ATP6AP1: variants seen among roughly 807,000 people sequenced by gnomAD.
ATP6AP1 encodes the protein V-type proton ATPase subunit S1.
Under a neutral mutation model 32.0 loss-of-function variants are expected in ATP6AP1, and 1 was observed. The ratio of observed to expected loss-of-function variants is 0.03; its 90% CI spans 0.01 to 0.15. ATP6AP1 has a LOEUF of 0.15. ATP6AP1 is among the 10% of genes least tolerant of loss of function. The probability of loss-of-function intolerance (pLI) is 1.00; values close to 1 mark genes in which losing one functional copy is unlikely to be tolerated. For missense variants in ATP6AP1, 297 were observed against 398.8 expected, an observed-to-expected ratio of 0.74 and a Z score of 2.17; for synonymous variants, 187 against 174.9, an observed-to-expected ratio of 1.07 and a Z score of -0.55.
rs969158733 is a variant in ATP6AP1 at position 154,432,820 on chromosome X, A to T, written c.558-111A>T. 162 of 928,248 alleles carry T rather than the reference A, an allele frequency of 1.7e-4. No homozygotes were observed. In the South Asian group the frequency reaches 2.5e-3, roughly 15 times the overall value. The allele number at this position is 928,248 out of a possible 1,213,427, so 76.5% of individuals were successfully genotyped here. On this transcript the variant is annotated intron_variant, in intron 4 of 9. Transcript: ENST00000369762. ...AGGGGGCACTGAGGTAAGAGTGTGC[A>T]GGCTTGGTGCGTGGGGCTAGTGGGG...
In ATP6AP1 at chrX:154,428,701, G is replaced by C. The variant is rs1363133638; in HGVS notation, c.9G>C (p.Ala3=). Residue 3 remains alanine, a synonymous_variant, in exon 1 of 10, where the codon GCG becomes GCC. Coordinates refer to ENST00000369762, the MANE Select transcript of ATP6AP1 (RefSeq NM_001183.6). The part of the protein sequence containing the change: MM[A]AMATARVRMG... ...CAGTGGAGGCTGAGGCTATGATGGC[G>C]GCCATGGCGACGGCTCGAGTGCGGA... The C allele has an allele frequency of 2.3e-5, 26 of 1,149,575 alleles. No homozygotes were observed. Among genetic ancestry groups the C allele is most frequent in the Non-Finnish European group, 2.6e-5 (23 of 868,674 alleles). 94.7% of individuals were successfully genotyped at this position (1,149,575 alleles called of 1,213,427 possible).
At chrX:154,431,960 A>G in intron 3 of ATP6AP1, 56 bp downstream of exon 3, 1 of 1,150,671 alleles carries the variant, frequency 8.7e-7, no homozygotes, top group Non-Finnish European at 1.2e-6. Flanking sequence ...TCCTTCTCCC[A>G]GCATAAGAAC....
chrX:154,429,198 C>G (rs1557196390), intron 2 of ATP6AP1, 24 bp downstream of exon 2: 2 of 1,205,801 alleles, frequency 1.7e-6, no homozygotes, highest in African/African-American at 3.5e-5. Flanking sequence ...AGCCCACTCT[C>G]CCCCGGTCAT....
At chrX:154,432,000 G>T in intron 3 of ATP6AP1, 96 bp downstream of exon 3, 1 of 963,376 alleles carries the variant, frequency 1.0e-6, no homozygotes, top group Non-Finnish European at 1.5e-6. Context: ...AGGGTTACTT[G>T]GGTCTGAGTC....
rs1557196217 is a variant in ATP6AP1 at position 154,428,713 on chromosome X, G to T, written c.21G>T (p.Thr7=). 7 of 1,150,082 alleles carry T rather than the reference G, an allele frequency of 6.1e-6. No homozygotes were observed. The highest frequency in any genetic ancestry group is 8.1e-6 in the Non-Finnish European group (7 of 868,637). 94.8% of individuals were successfully genotyped at this position (1,150,082 alleles called of 1,213,427 possible). MMAAMA[T]ARVRMGPRCA... is the part of the protein sequence containing the mutation. Reference sequence around the variant, plus strand: ...AGGCTATGATGGCGGCCATGGCGACGGCTCGAGTGCGGATGGGGCCGCGGT... The same window carrying T: ...AGGCTATGATGGCGGCCATGGCGACTGCTCGAGTGCGGATGGGGCCGCGGT... Residue 7 remains threonine (T), a synonymous_variant, in exon 1 of 10, where the codon ACG becomes ACT. Transcript: ENST00000369762.
intron 2 of ATP6AP1, 48 bp downstream of exon 2, chrX:154,429,222 G>A: frequency 8.4e-7 from 1 of 1,191,453 alleles, no homozygotes; most frequent in East Asian, 3.0e-5. Context: ...GAGGCAGCCA[G>A]GCCCCCTCCC....
In ATP6AP1 at chrX:154,431,824, T is replaced by C. The variant is rs1557196820; in HGVS notation, c.289-6T>C. On this transcript the variant is annotated splice_polypyrimidine_tract_variant and splice_region_variant and intron_variant, in intron 2 of 9. Transcript: ENST00000369762. ...TCCTCAGATGTCTCCCCTATTTCCC[T>C]AATAGCTGAGCATTGAGGATTTCAC... is the stretch of plus-strand genomic sequence containing the variant. The C allele has an allele frequency of 1.7e-6, 2 of 1,210,811 alleles. No homozygotes were observed.
At chrX:154,430,454 C>T (rs2068687741) in intron 2 of ATP6AP1, 2 of 111,841 alleles carry the variant, frequency 1.8e-5, no homozygotes, top group African/African-American at 6.5e-5. Context: ...CATAAAACAT[C>T]TAGCCAGGAT....
Position 154,434,387 on chromosome X carries a change from C to T in ATP6AP1, c.864C>T (p.Leu288=), listed in dbSNP as rs1225548960. Residue 288 remains leucine, a synonymous_variant, in exon 7 of 10, where the codon CTC becomes CTT. Coordinates refer to ENST00000369762, the MANE Select transcript of ATP6AP1 (RefSeq NM_001183.6). Reference sequence around the variant, plus strand: ...ACCAGTGGGAGGACCTGACTCCCCTCACCTTTGGGGTGCAGGAACTCAACC... The same window carrying T: ...ACCAGTGGGAGGACCTGACTCCCCTTACCTTTGGGGTGCAGGAACTCAACC... The part of the protein sequence containing the change: ...YKDQWEDLTP[L]TFGVQELNLT... 2.5e-6 allele frequency: 3 copies of T among 1,210,568 alleles called. No homozygotes were observed. Among genetic ancestry groups the T allele is most frequent in the African/African-American group, 3.5e-5 (2 of 57,322 alleles).
At chrX:154,431,648 G>A (rs1302377426) in intron 2 of ATP6AP1, 182 bp from the exon 3 acceptor site, 1 of 480,757 alleles carries the variant, frequency 2.1e-6, no homozygotes, top group African/African-American at 2.4e-5. Flanking sequence ...GAGAGTGCTG[G>A]AGGGAAGAGG....
intron 5 of ATP6AP1, 92 bp from the exon 6 acceptor site, chrX:154,433,543 G>A (rs1261725055): frequency 4.4e-5 from 40 of 912,640 alleles, no homozygotes; most frequent in Non-Finnish European, 5.9e-5. Flanking sequence ...CTTTCAGATG[G>A]TCTAGAAGGT....
Position 154,428,707 on chromosome X carries a change from G to A in ATP6AP1, c.15G>A (p.Met5Ile). The A allele has an allele frequency of 8.7e-7, 1 of 1,150,442 alleles. No homozygotes were observed. The highest frequency in any genetic ancestry group is 1.9e-5 in the South Asian group (1 of 52,238). The allele number at this position is 1,150,442 out of a possible 1,213,427, so 94.8% of individuals were successfully genotyped here. ...AGGCTGAGGCTATGATGGCGGCCATGGCGACGGCTCGAGTGCGGATGGGGC... is the reference window on the plus strand; with the variant it reads ...AGGCTGAGGCTATGATGGCGGCCATAGCGACGGCTCGAGTGCGGATGGGGC... MMAA[M>I]ATARVRMGPR... is the part of the protein sequence containing the mutation. Residue 5 changes from methionine (M) to isoleucine (I), a missense_variant, in exon 1 of 10, where the codon ATG (methionine) becomes ATA (isoleucine). By Grantham distance (10) the Met-to-Ile change is conservative (BLOSUM62 1). Coordinates refer to ENST00000369762, the MANE Select transcript of ATP6AP1 (RefSeq NM_001183.6).
Position 154,434,222 on chromosome X carries a change from A to G in ATP6AP1, c.699A>G (p.Val233=), listed in dbSNP as rs1557197279. 2 of 1,211,641 alleles carry G rather than the reference A, an allele frequency of 1.7e-6. No individual in the cohort carries two copies. Among genetic ancestry groups the G allele is most frequent in the Non-Finnish European group, 2.2e-6 (2 of 895,351 alleles). The change falls in exon 7 of 10, where the codon GTA becomes GTG. Residue 233 remains valine (V), a synonymous_variant. Coordinates refer to ENST00000369762, the MANE Select transcript of ATP6AP1 (RefSeq NM_001183.6). ...AVRPSRVARD[V]AVVAGGLGRQ... ...TGTTTCTGCAGGTGGCCCGTGATGTAGCCGTGGTGGCCGGAGGGCTAGGTC... is the reference window on the plus strand; with the variant it reads ...TGTTTCTGCAGGTGGCCCGTGATGTGGCCGTGGTGGCCGGAGGGCTAGGTC...
At chrX:154,434,142 C>T (rs1209166331) in intron 6 of ATP6AP1, 66 bp from the exon 7 acceptor site, 6 of 1,078,374 alleles carry the variant, frequency 5.6e-6, no homozygotes, top group Non-Finnish European at 7.7e-6. Context: ...GAGGGCACGA[C>T]AATTGGGTTC....
chrX:154,431,681 C>G, intron 2 of ATP6AP1, 149 bp from the exon 3 acceptor site: 1 of 528,760 alleles, frequency 1.9e-6, no homozygotes, highest in Non-Finnish European at 3.3e-6. Context: ...CCCACCCCCA[C>G]CAACACACAG....
At position 154,435,909 on chromosome X, in the gene ATP6AP1, G is replaced by T. The variant is rs112489029; in HGVS notation, c.*18G>T. The T allele has an allele frequency of 7.6e-5, 90 of 1,189,344 alleles. 1 individual carries two copies. The highest frequency in any genetic ancestry group is 6.9e-4 in the African/African-American group (39 of 56,683). On this transcript the variant is annotated 3_prime_UTR_variant, in exon 10 of 10. Transcript: ENST00000369762. ...TTGTGTGACCCTGTGCCAGTGGGGGGGTTGAGGGTGGGACGGTGTCCGTGT... is the reference window on the plus strand; with the variant it reads ...TTGTGTGACCCTGTGCCAGTGGGGGTGTTGAGGGTGGGACGGTGTCCGTGT...
chrX:154,432,876 G>A (rs2068701400), intron 4 of ATP6AP1, 55 bp from the exon 5 acceptor site: 2 of 1,186,380 alleles, frequency 1.7e-6, no homozygotes, highest in East Asian at 3.0e-5. Context: ...AAGGGTAGTG[G>A]GCAGTGCAGG....
At chrX:154,431,788 C>G (rs782538885) in intron 2 of ATP6AP1, 42 bp from the exon 3 acceptor site, 9 of 1,190,743 alleles carry the variant, frequency 7.6e-6, no homozygotes, top group Non-Finnish European at 1.0e-5. Context: ...GCCCCCATCA[C>G]TTGCCAAACC....
intron 4 of ATP6AP1, 120 bp downstream of exon 4, chrX:154,432,579 C>A: frequency 1.0e-6 from 1 of 981,418 alleles, no homozygotes; most frequent in Non-Finnish European, 1.3e-6. Context: ...CCCTCACAGC[C>A]CTTCCAGAAG....
Sources: allele counts gnomAD v4.1 joint callset, GRCh38; gene constraint gnomAD v4.1.1; transcripts MANE v1.5; gene names NCBI Gene and HGNC (gene_info 2026-07-23, HGNC 2026-07-21).